Variants in POU2F1 observed in about 807,000 individuals in gnomAD.
The protein encoded by POU2F1 is POU class 2 homeobox 1.
POU2F1 carries 16 observed loss-of-function variants against 84.9 expected under a neutral mutation model. The ratio of observed to expected loss-of-function variants is 0.19; its 90% CI spans 0.13 to 0.29. The LOEUF (loss-of-function observed/expected upper bound fraction) is 0.29. Ranked by LOEUF, POU2F1 falls within the 10% of genes least tolerant of loss-of-function variation. The probability of loss-of-function intolerance (pLI) is 1.00; values close to 1 mark genes in which losing one functional copy is unlikely to be tolerated. For missense variants in POU2F1, 738 were observed against 942.6 expected (o/e 0.78, Z 2.84); for synonymous variants, 368 against 368.3 (o/e 1.00, Z 0.01).
chr1:167,368,871 G>A (rs1659845166), intron 3 of POU2F1, among the ~76,000 whole-genome samples: 1 of 152,136 alleles, frequency 6.6e-6, no homozygotes. Flanking sequence ...GCTATCTGGT[G>A]TATACAAAAT....
At chr1:167,241,356 A>G (rs918200979) in intron 1 of POU2F1, 10 of 152,162 alleles carry the variant, frequency 6.6e-5, no homozygotes, top group African/African-American at 2.4e-4. Context: ...AAATAACTAA[A>G]TATTTCGTTT....
At chr1:167,350,947 G>A (rs564118632) in intron 2 of POU2F1, among the ~76,000 whole-genome samples, 43 of 150,984 alleles carry the variant, frequency 2.8e-4, no homozygotes, top group African/African-American at 1.0e-3. Context: ...GCAGTCAGCC[G>A]AGATCATGCC....
intron 11 of POU2F1, 138 bp from the exon 12 acceptor site, chr1:167,399,048 A>G (rs1043817263): frequency 1.0e-5 from 7 of 673,354 alleles, no homozygotes; most frequent in Non-Finnish European, 1.7e-5. Flanking sequence ...TATCTACACA[A>G]TCTCTTTGTT....
At chr1:167,357,356 G>GC (rs1659013486) in intron 2 of POU2F1, 1 of 14,708 alleles carries the variant, frequency 6.8e-5, no homozygotes, top group African/African-American at 2.4e-4. Context: ...CCTCCCCCAC[G>GC]CCTCCCCCCC....
At chr1:167,394,809 A>G (rs1301882560) in intron 9 of POU2F1, among the ~76,000 whole-genome samples, 15 of 152,228 alleles carry the variant, frequency 9.9e-5, no homozygotes. Context: ...GTTGCTCACC[A>G]AAAAGAAAAT....
chr1:167,374,478 T>C (rs1011568841), intron 6 of POU2F1, among the ~76,000 whole-genome samples, 182 bp downstream of exon 6: 4 of 152,248 alleles, frequency 2.6e-5, no homozygotes, highest in African/African-American at 9.6e-5. Flanking sequence ...TGTTTGCTTA[T>C]TGTAGTTGAT....
intron 13 of POU2F1, among the ~76,000 whole-genome samples, chr1:167,408,536 A>G (rs1042836168): frequency 2.0e-5 from 3 of 152,354 alleles, no homozygotes; most frequent in East Asian, 1.9e-4. Context: ...ATAAAAATTA[A>G]TGAGGTGTTG....
At chr1:167,296,848 G>C (rs1409925694) in intron 1 of POU2F1, among the ~76,000 whole-genome samples, 1 of 152,158 alleles carries the variant, frequency 6.6e-6, no homozygotes, top group African/African-American at 2.4e-5. Context: ...TACGGGGACT[G>C]TTTGCACTTT....
At chr1:167,304,457 C>T (rs2102578355) in intron 1 of POU2F1, among the ~76,000 whole-genome samples, 1 of 152,274 alleles carries the variant, frequency 6.6e-6, no homozygotes, top group Admixed American at 6.5e-5. Flanking sequence ...CGTTACTAAA[C>T]TGTTTAGCCT....
chr1:167,273,517 G>C (rs1222314244), intron 1 of POU2F1, among the ~76,000 whole-genome samples: 1 of 152,192 alleles, frequency 6.6e-6, no homozygotes, highest in East Asian at 1.9e-4. Context: ...CTCAACTCTT[G>C]CCCTCTGTGC....
chr1:167,230,589 T>C (rs946042014), intron 1 of POU2F1, among the ~76,000 whole-genome samples: 1 of 152,182 alleles, frequency 6.6e-6, no homozygotes, highest in Non-Finnish European at 1.5e-5. Flanking sequence ...TCCTTATTTA[T>C]CTTAAGGGAC....
intron 10 of POU2F1, chr1:167,396,688 C>G (rs556545599): frequency 5.9e-6 from 1 of 168,854 alleles, no homozygotes; most frequent in Non-Finnish European, 1.1e-5. Flanking sequence ...GGATTAGGAA[C>G]ACACACACAC....
chr1:167,266,377 T>C (rs1651954362), intron 1 of POU2F1, among the ~76,000 whole-genome samples: 1 of 152,208 alleles, frequency 6.6e-6, no homozygotes, highest in Non-Finnish European at 1.5e-5. Context: ...AAGGTGAAAT[T>C]GAGATATGGC....
At chr1:167,286,451 TA>T (rs1653535826) in intron 1 of POU2F1, among the ~76,000 whole-genome samples, 1 of 152,216 alleles carries the variant, frequency 6.6e-6, no homozygotes, top group South Asian at 2.1e-4. Context: ...TTTATTGTCT[TA>T]AAAATATAGA....
rs964075176 is a variant in POU2F1 at position 167,349,083 on chromosome 1, G to A, written c.128-16384G>A. On this transcript the variant is annotated intron_variant, in intron 2 of 15. Coordinates refer to ENST00000367866, the MANE Select transcript of POU2F1 (RefSeq NM_002697.4). ...AGGACCTAACAGGGTATTTAAAATT[G>A]TTAAAATTCTTAGATTTTATTTTTT... 2.0e-5 allele frequency among the ~76,000 whole-genome samples: 3 copies of A among 152,060 alleles called. No individual in the cohort carries two copies. In the East Asian group the frequency reaches 5.8e-4, roughly 29 times the overall value.
At chr1:167,297,953 C>G (rs962462277) in intron 1 of POU2F1, among the ~76,000 whole-genome samples, 7 of 151,456 alleles carry the variant, frequency 4.6e-5, no homozygotes, top group African/African-American at 1.7e-4. Flanking sequence ...AACCCCGTCT[C>G]TACTAAAAAA....
chr1:167,343,632 A>ATTTTTT (rs869170039), intron 2 of POU2F1, among the ~76,000 whole-genome samples: 5 of 69,396 alleles, frequency 7.2e-5, no homozygotes, highest in African/African-American at 1.0e-4. Flanking sequence ...CCAGGGGTCA[A>ATTTTTT]TTTTTTTTTT....
At position 167,426,833 on chromosome 1, in the gene POU2F1, T is replaced by C. The variant is rs760175633; in HGVS notation, c.*11023T>C. On this transcript the variant is annotated 3_prime_UTR_variant, in exon 16 of 16. Transcript: ENST00000367866. ...GCAGTGACAATTCTGAGGTGGTTTA[T>C]TGGGAGTCCTTCTACATTTCTCTTA... 7 of 152,222 alleles carry C rather than the reference T, an allele frequency of 4.6e-5. No homozygotes were observed. The highest frequency in any genetic ancestry group is 1.0e-4 in the Non-Finnish European group (7 of 68,032). 9.4% of individuals were successfully genotyped at this position (152,222 alleles called of 1,614,324 possible). A position where few individuals can be genotyped will look rare whatever the true frequency, so the allele number is the denominator to read the frequency against.
chr1:167,351,529 A>G (rs1316706639), intron 2 of POU2F1, among the ~76,000 whole-genome samples: 1 of 147,538 alleles, frequency 6.8e-6, no homozygotes, highest in Non-Finnish European at 1.5e-5. Context: ...CAAAAAAAAA[A>G]AAAAAAAAAA....
Sources: gnomAD v4.1 joint callset for allele counts (sites outside exome capture counted in the v4.1 genomes callset) on GRCh38, gnomAD v4.1.1 for gene constraint, MANE v1.5 for transcripts, NCBI Gene and HGNC (gene_info 2026-07-23, HGNC 2026-07-21) for gene names.